Variants in NUP42 observed in about 807,000 individuals in gnomAD.
The protein encoded by NUP42 is nucleoporin NUP42.
A neutral mutation model predicts 35.9 loss-of-function variants in NUP42; 47 were observed. The ratio of observed to expected loss-of-function variants is 1.31; its 90% confidence interval spans 1.04 to 1.67. NUP42 has a LOEUF of 1.67. Among genes scored for constraint, NUP42 ranks in the 40% most tolerant of loss-of-function variants. NUP42 has a pLI of 0.00. For synonymous variants in NUP42, 173 were observed against 173.3 expected (o/e 1.00, Z 0.01); for missense variants, 514 against 492.2 (o/e 1.04, Z -0.42).
intron 1 of NUP42, among the ~76,000 whole-genome samples, chr7:23,184,501 A>C (rs936024951): frequency 6.6e-6 from 1 of 152,218 alleles, no homozygotes; most frequent in Non-Finnish European, 1.5e-5. Context: ...TGAATTTAGT[A>C]ATATATCACT....
At chr7:23,194,960 C>T in intron 3 of NUP42, 2 of 152,406 alleles carry the variant, frequency 1.3e-5, no homozygotes, top group Non-Finnish European at 2.9e-5. Context: ...AGTGCTGCAA[C>T]TACAGGCGTG....
intron 1 of NUP42, 68 bp downstream of exon 1, chr7:23,182,274 C>G: frequency 1.3e-6 from 2 of 1,534,884 alleles, no homozygotes; most frequent in South Asian, 2.4e-5. Context: ...ACCGGGCGTC[C>G]CGCGTGTTTC....
chr7:23,189,245 C>G (rs143567008), intron 3 of NUP42, among the ~76,000 whole-genome samples: 1 of 152,182 alleles, frequency 6.6e-6, no homozygotes, highest in Non-Finnish European at 1.5e-5. Context: ...ATTGAAATTA[C>G]GGAAAACTTT....
At position 23,200,395 on chromosome 7, in the gene NUP42, G is replaced by T. The variant is rs752992654; in HGVS notation, c.922G>T (p.Ala308Ser). The T allele has an allele frequency of 6.2e-7, 1 of 1,614,148 alleles. No individual in the cohort carries two copies. Among genetic ancestry groups the T allele is most frequent in the Non-Finnish European group, 8.5e-7 (1 of 1,180,014 alleles). Residue 308 changes from alanine (A) to serine (S), a missense_variant, in exon 7 of 7, where the codon GCT becomes TCT. Coordinates refer to ENST00000258742, the MANE Select transcript of NUP42 (RefSeq NM_007342.3). ...AASFSFKSPA[A>S]SSFGSPGFSG... Reference sequence around the variant, plus strand: ...ATCATTTTCATTCAAAAGCCCTGCAGCTTCCAGTTTTGGATCACCTGGATT... The same window carrying T: ...ATCATTTTCATTCAAAAGCCCTGCATCTTCCAGTTTTGGATCACCTGGATT...
chr7:23,200,765 A>G lies in NUP42; in HGVS notation c.*20A>G, dbSNP rs773049005. On this transcript the variant is annotated 3_prime_UTR_variant, in exon 7 of 7. Transcript: ENST00000258742. The stretch of plus-strand genomic sequence containing the variant: ...GTTTAAAAGGGCAATTTTAAATACA[A>G]AAAAGAATGATGTTTAAAATTGCTT... 6.1e-6 allele frequency: 9 copies of G among 1,485,440 alleles called. No homozygotes were observed. The East Asian group carries it at 1.8e-4, about 30-fold the overall frequency. The allele number at this position is 1,485,440 out of a possible 1,614,324, so 92.0% of individuals were successfully genotyped here. A position where few individuals can be genotyped will look rare whatever the true frequency, so the allele number is the denominator to read the frequency against.
intron 3 of NUP42, among the ~76,000 whole-genome samples, chr7:23,190,446 TCTTA>T (rs900625291): frequency 1.1e-4 from 16 of 152,362 alleles, no homozygotes; most frequent in East Asian, 7.7e-4. Flanking sequence ...GTAATTGTTT[TCTTA>T]CTTTTAAATG....
At chr7:23,187,417 A>G (rs2128472889) in intron 3 of NUP42, 1 of 253,638 alleles carries the variant, frequency 3.9e-6, no homozygotes, top group Non-Finnish European at 7.5e-6. Context: ...TGTATGTACA[A>G]CTTTGGAACC....
chr7:23,188,233 C>T (rs771469202), intron 3 of NUP42: 21 of 1,249,486 alleles, frequency 1.7e-5, no homozygotes, highest in Middle Eastern at 3.1e-4. Flanking sequence ...TGCATTACAA[C>T]GCTTCTTATT....
rs1197736896 is a variant in NUP42 at position 23,196,740 on chromosome 7, C to G, written c.583C>G (p.Leu195Val). The G allele has an allele frequency of 3.7e-6, 6 of 1,610,254 alleles. No homozygotes were observed. In the Admixed American group the frequency reaches 8.3e-5, roughly 22 times the overall value. Reference protein sequence around the residue: ...WRNRVNELKSLNISTKVALLS... With the variant: ...WRNRVNELKSVNISTKVALLS... ...GAACAGGGTAAATGAACTGAAAAGTCTAAATATATCAACTAAAGTAGCTTT... is the reference window on the plus strand; with the variant it reads ...GAACAGGGTAAATGAACTGAAAAGTGTAAATATATCAACTAAAGTAGCTTT... The change falls in exon 5 of 7, where the codon CTA becomes GTA. Residue 195 changes from leucine (L) to valine (V), a missense_variant. Leu to Val is a conservative substitution (Grantham distance 32). Coordinates refer to ENST00000258742, the MANE Select transcript of NUP42 (RefSeq NM_007342.3).
intron 3 of NUP42, among the ~76,000 whole-genome samples, chr7:23,189,045 A>T (rs750290549): frequency 6.6e-6 from 1 of 152,238 alleles, no homozygotes; most frequent in Non-Finnish European, 1.5e-5. Context: ...AATGGGAAGC[A>T]CACAAAAAGT....
chr7:23,182,425 G>C, intron 1 of NUP42: 1 of 1,360,828 alleles, frequency 7.3e-7, no homozygotes, highest in Non-Finnish European at 9.5e-7. Flanking sequence ...ACCTGGGTTT[G>C]GGCCTGGATG....
intron 3 of NUP42, among the ~76,000 whole-genome samples, chr7:23,189,624 T>A (rs75098754): frequency 0.012 from 1,786 of 145,090 alleles, 50 homozygotes; most frequent in African/African-American, 0.044. Context: ...CTTTAAAAAA[T>A]TTTTTTGGCT....
chr7:23,186,158 A>G (rs1785587774), intron 2 of NUP42, among the ~76,000 whole-genome samples: 1 of 152,254 alleles, frequency 6.6e-6, no homozygotes, highest in Non-Finnish European at 1.5e-5. Flanking sequence ...TATTTATGGT[A>G]AAATTTATGG....
intron 5 of NUP42, among the ~76,000 whole-genome samples, 167 bp downstream of exon 5, chr7:23,196,933 T>G (rs1284903876): frequency 6.6e-6 from 1 of 152,256 alleles, no homozygotes; most frequent in African/African-American, 2.4e-5. Flanking sequence ...GAAATAGTTT[T>G]CTCTGTGTTC....
rs568010697 is a variant in NUP42, at chr7:23,197,571, A to G, written c.609+805A>G. The stretch of plus-strand genomic sequence containing the variant: ...GTCCTTGTGTGAGAGGTGGCCCACC[A>G]TCACCATGGATGAGAGCTGATGGAG... On this transcript the variant is annotated intron_variant, in intron 5 of 6. Coordinates refer to ENST00000258742, the MANE Select transcript of NUP42 (RefSeq NM_007342.3). Among the ~76,000 whole-genome samples the G allele has an allele frequency of 4.9e-4, 75 of 152,334 alleles. 1 individual carries two copies. Among genetic ancestry groups the G allele is most frequent in the Admixed American group, 4.8e-3 (74 of 15,304 alleles).
chr7:23,192,915 C>T (rs1785852708), intron 3 of NUP42, among the ~76,000 whole-genome samples: 1 of 152,182 alleles, frequency 6.6e-6, no homozygotes, highest in Admixed American at 6.5e-5. Context: ...CACGGACCCT[C>T]GCGGTGAGTG....
At chr7:23,184,151 GA>G (rs1562602632) in intron 1 of NUP42, among the ~76,000 whole-genome samples, 1 of 152,114 alleles carries the variant, frequency 6.6e-6, no homozygotes, top group Non-Finnish European at 1.5e-5. Flanking sequence ...TGAAATATTG[GA>G]AAGCTGGTAG....
Position 23,200,771 on chromosome 7 carries a change from A to T in NUP42, c.*26A>T, listed in dbSNP as rs1298134939. Reference sequence around the variant, plus strand: ...AAGGGCAATTTTAAATACAAAAAAGAATGATGTTTAAAATTGCTTTGAGTG... The same window carrying T: ...AAGGGCAATTTTAAATACAAAAAAGTATGATGTTTAAAATTGCTTTGAGTG... On this transcript the variant is annotated 3_prime_UTR_variant, in exon 7 of 7. Transcript: ENST00000258742. The T allele has an allele frequency of 3.4e-6, 5 of 1,463,816 alleles. No homozygotes were observed. Among genetic ancestry groups the T allele is most frequent in the Non-Finnish European group, 4.6e-6 (5 of 1,089,284 alleles). 90.7% of individuals were successfully genotyped at this position (1,463,816 alleles called of 1,614,324 possible). A position where few individuals can be genotyped will look rare whatever the true frequency, so the allele number is the denominator to read the frequency against.
intron 1 of NUP42, 49 bp downstream of exon 1, chr7:23,182,255 C>T: frequency 1.9e-6 from 3 of 1,548,486 alleles, no homozygotes; most frequent in Non-Finnish European, 2.6e-6. Flanking sequence ...GAAGGGTCCG[C>T]CGGCGGGGAC....
Sources: allele counts gnomAD v4.1 joint callset (sites outside exome capture counted in the v4.1 genomes callset), GRCh38; gene constraint gnomAD v4.1.1; transcripts MANE v1.5; gene names NCBI Gene and HGNC (gene_info 2026-07-23, HGNC 2026-07-21).